PFKL: variants seen among roughly 807,000 people sequenced by gnomAD.
PFKL encodes phosphofructokinase, liver type.
PFKL carries 74 observed loss-of-function variants against 92.1 expected under a neutral mutation model. The observed-to-expected ratio is 0.80, with a 90% CI of 0.67 to 0.97. The LOEUF is 0.97. PFKL is among the 50% of genes least tolerant of loss of function. The probability of loss-of-function intolerance (pLI) is 0.00; values close to 1 mark genes in which losing one functional copy is unlikely to be tolerated. For synonymous variants in PFKL, 494 were observed against 456.4 expected (o/e 1.08, Z -1.05); for missense variants, 1,028 against 1,116.6 (o/e 0.92, Z 1.13).
chr21:44,323,967 T>G (rs1227894435), intron 16 of PFKL, 49 bp downstream of exon 16: 2 of 1,604,972 alleles, frequency 1.2e-6, no homozygotes, highest in Non-Finnish European at 8.5e-7. Flanking sequence ...CCTTGTGGGG[T>G]GGGGCTGAGC....
At chr21:44,308,559 A>T (rs34915720) in intron 2 of PFKL, among the ~76,000 whole-genome samples, 18,708 of 133,566 alleles carry the variant, frequency 0.14, 1,477 homozygotes, top group East Asian at 0.37. Flanking sequence ...GGGGGTAGGA[A>T]TTTTTTTTTT....
Position 44,323,832 on chromosome 21 carries a change from T to A in PFKL, c.1564T>A (p.Cys522Ser). The A allele has an allele frequency of 6.2e-7, 1 of 1,613,380 alleles. No homozygotes were observed. Among genetic ancestry groups the A allele is most frequent in the South Asian group, 1.1e-5 (1 of 91,086 alleles). The stretch of plus-strand genomic sequence containing the variant: ...CTACGAGGAGCTCTGCATCGTCATG[T>A]GTGTCATCCCAGCCACCATCAGCAA... ...GRYEELCIVMCVIPATISNNV... is the reference protein window; with the variant it reads ...GRYEELCIVMSVIPATISNNV... The change falls in exon 16 of 22, where the codon TGT (cysteine) becomes AGT (serine). Residue 522 changes from cysteine to serine, a missense_variant. Physicochemically the swap from Cys to Ser is moderately radical, Grantham distance 112. Transcript: ENST00000349048.
At chr21:44,319,019 C>A (rs753936476) in intron 10 of PFKL, among the ~76,000 whole-genome samples, 2 of 151,844 alleles carry the variant, frequency 1.3e-5, no homozygotes, top group Non-Finnish European at 2.9e-5. Flanking sequence ...ACGGGGAAGG[C>A]AGAGGCGAGG....
intron 10 of PFKL, 38 bp from the exon 11 acceptor site, chr21:44,319,313 G>A (rs2047296815): frequency 5.7e-6 from 9 of 1,575,952 alleles, no homozygotes; most frequent in Non-Finnish European, 7.9e-6. Flanking sequence ...GTGCGGGCCA[G>A]GCTCTCCATA....
intron 21 of PFKL, 85 bp from the exon 22 acceptor site, chr21:44,326,630 G>T: frequency 6.8e-7 from 1 of 1,467,288 alleles, no homozygotes. Context: ...TGCAGGGTCG[G>T]GGGGGGTGGG....
At chr21:44,317,516 G>A (rs1002916592) in intron 9 of PFKL, among the ~76,000 whole-genome samples, 1 of 152,206 alleles carries the variant, frequency 6.6e-6, no homozygotes, top group South Asian at 2.1e-4. Context: ...TGGAAATGCC[G>A]CTGCTGTGAC....
chr21:44,322,665 C>T (rs2146014156), intron 14 of PFKL, among the ~76,000 whole-genome samples: 1 of 152,330 alleles, frequency 6.6e-6, no homozygotes, highest in African/African-American at 2.4e-5. Flanking sequence ...GCTCCTGCCG[C>T]TGAGTGTTGG....
At chr21:44,313,760 C>T (rs2047122547) in intron 6 of PFKL, 78 bp downstream of exon 6, 19 of 1,460,578 alleles carry the variant, frequency 1.3e-5, no homozygotes, top group Non-Finnish European at 5.6e-6. Context: ...CATATTTATT[C>T]TAGGGCTCAG....
At chr21:44,306,077 G>A (rs2040931257) in intron 1 of PFKL, 2 of 708,192 alleles carry the variant, frequency 2.8e-6, no homozygotes. Context: ...TCAGTGCCCA[G>A]AGGTGCTCCC....
chr21:44,318,247 G>C (rs940317173), intron 9 of PFKL, among the ~76,000 whole-genome samples: 7 of 152,360 alleles, frequency 4.6e-5, no homozygotes, highest in Middle Eastern at 3.4e-3. Flanking sequence ...AGCAGTGCAG[G>C]CTGGGCCTTC....
At chr21:44,317,637 C>T (rs1444278174) in intron 9 of PFKL, among the ~76,000 whole-genome samples, 1 of 152,234 alleles carries the variant, frequency 6.6e-6, no homozygotes, top group Admixed American at 6.5e-5. Flanking sequence ...CTAGCCGCGG[C>T]TGTCACCCAG....
At chr21:44,315,880 C>T (rs542402691) in intron 7 of PFKL, 13 of 315,346 alleles carry the variant, frequency 4.1e-5, no homozygotes, top group Admixed American at 1.4e-4. Flanking sequence ...CCCTGTGCCC[C>T]GTGGAGCTGC....
chr21:44,326,276 C>G lies in PFKL; in HGVS notation c.2195+12C>G. 1.9e-6 allele frequency: 3 copies of G among 1,585,678 alleles called. No homozygotes were observed. The highest frequency in any genetic ancestry group is 2.6e-6 in the Non-Finnish European group (3 of 1,157,328). On this transcript the variant is annotated intron_variant, in intron 21 of 21. Transcript: ENST00000349048. ...GACACTGATTTCGAGTGAGTTCCAC[C>G]AAAGCCTCGTGGAGGCGGGTGGGGC...
intron 14 of PFKL, among the ~76,000 whole-genome samples, chr21:44,322,605 T>C (rs964459976): frequency 2.0e-5 from 3 of 152,300 alleles, no homozygotes; most frequent in South Asian, 4.1e-4. Context: ...ACAGGGGAAG[T>C]TGCTGAGTCC....
chr21:44,301,687 G>A (rs1398832483), intron 1 of PFKL, among the ~76,000 whole-genome samples: 1 of 152,150 alleles, frequency 6.6e-6, no homozygotes, highest in Non-Finnish European at 1.5e-5. Flanking sequence ...CAGACAGGTT[G>A]CTGTGGGGCC....
chr21:44,302,043 T>A (rs1461377297), intron 1 of PFKL, among the ~76,000 whole-genome samples: 1 of 152,194 alleles, frequency 6.6e-6, no homozygotes, highest in East Asian at 1.9e-4. Context: ...CTCCTGGCCC[T>A]GTGGACAGGC....
chr21:44,324,941 C>T, intron 18 of PFKL, 24 bp downstream of exon 18: 2 of 1,586,532 alleles, frequency 1.3e-6, no homozygotes, highest in East Asian at 2.3e-5. Flanking sequence ...GGGTCCCTGG[C>T]CACAGCTGCG....
rs1398952969 is a variant in PFKL, at chr21:44,311,048, G to A, written c.202G>A (p.Ala68Thr). ...LVEGGENIKQ[A>T]NWLSVSNIIQ... ...GGAGGGAGGTGAGAACATCAAGCAGGCCAACTGGCTGAGCGTCTCCAACAT... is the reference window on the plus strand; with the variant it reads ...GGAGGGAGGTGAGAACATCAAGCAGACCAACTGGCTGAGCGTCTCCAACAT... Residue 68 changes from alanine (A) to threonine (T), a missense_variant, in exon 3 of 22, where the codon GCC becomes ACC. Ala to Thr is a moderately conservative substitution (Grantham distance 58). Transcript: ENST00000349048. 1 of 1,613,096 alleles carries A rather than the reference G, an allele frequency of 6.2e-7. No individual in the cohort carries two copies.
intron 1 of PFKL, chr21:44,305,686 T>A: frequency 9.1e-7 from 1 of 1,099,388 alleles, no homozygotes; most frequent in South Asian, 1.5e-5. Flanking sequence ...GGCTGCCCCT[T>A]TTGTATGAAG....
Sources: gnomAD v4.1 joint callset for allele counts (sites outside exome capture counted in the v4.1 genomes callset) on GRCh38, gnomAD v4.1.1 for gene constraint, MANE v1.5 for transcripts, NCBI Gene and HGNC (gene_info 2026-07-23, HGNC 2026-07-21) for gene names.